The following CSMD1 variants were observed in gnomAD, a reference collection of about 807,000 sequenced individuals.
The protein encoded by CSMD1 is CUB and sushi domain-containing protein 1.
Under a neutral mutation model 417.5 loss-of-function variants are expected in CSMD1, and 213 were observed. The observed-to-expected ratio is 0.51, with a 90% CI of 0.46 to 0.57. The LOEUF (loss-of-function observed/expected upper bound fraction) is 0.57, where lower values mean the gene tolerates loss of function less well. CSMD1 is among the 20% of genes least tolerant of loss of function. The pLI is 0.00. For missense variants in CSMD1, 6,923 were observed against 4,529.7 expected (o/e 1.53, Z -15.17); for synonymous variants, 2,862 against 1,736.8 (o/e 1.65, Z -16.11).
rs766601526 is a variant in CSMD1, at chr8:3,399,454, G to T, written c.2342C>A (p.Ser781Tyr). The change falls in exon 16 of 70, where the codon TCT becomes TAT. Residue 781 changes from serine to tyrosine, a missense_variant. Ser to Tyr is a moderately radical substitution (Grantham distance 144). Coordinates refer to ENST00000635120, the MANE Select transcript of CSMD1 (RefSeq NM_033225.6). Reference protein sequence around the residue: ...PPGWPGYYKDSLHCEWIIEAK... With the variant: ...PPGWPGYYKDYLHCEWIIEAK... ...TTCAATTATCCATTCACAATGTAAAGAATCCTTATAATATCCTGGCCATCC... is the reference window on the plus strand; with the variant it reads ...TTCAATTATCCATTCACAATGTAAATAATCCTTATAATATCCTGGCCATCC... 7 of 1,610,550 alleles carry T rather than the reference G, an allele frequency of 4.3e-6. No individual in the cohort carries two copies. Among genetic ancestry groups the T allele is most frequent in the Non-Finnish European group, 5.9e-6 (7 of 1,178,316 alleles).
intron 3 of CSMD1, among the ~76,000 whole-genome samples, chr8:4,186,925 G>C (rs763392710): frequency 2.6e-5 from 4 of 151,964 alleles, no homozygotes; most frequent in Non-Finnish European, 5.9e-5. Context: ...GAACCCACGA[G>C]GCAGAGATTG....
chr8:4,112,203 C>G (rs951223160), intron 3 of CSMD1, among the ~76,000 whole-genome samples: 1 of 152,122 alleles, frequency 6.6e-6, no homozygotes, highest in African/African-American at 2.4e-5. Context: ...TATCAAGAAC[C>G]AGTAACACCT....
At chr8:4,153,261 C>G (rs1347937289) in intron 3 of CSMD1, among the ~76,000 whole-genome samples, 4 of 152,180 alleles carry the variant, frequency 2.6e-5, no homozygotes, top group African/African-American at 7.2e-5. Flanking sequence ...ATACATACGG[C>G]TATAAAGACA....
intron 5 of CSMD1, among the ~76,000 whole-genome samples, chr8:3,952,482 T>C (rs571995264): frequency 6.6e-6 from 1 of 152,230 alleles, no homozygotes; most frequent in Admixed American, 6.5e-5. Context: ...AGTTTTACTT[T>C]CTAGTACTAA....
chr8:4,107,265 A>C (rs1220022101), intron 3 of CSMD1, among the ~76,000 whole-genome samples: 1 of 152,182 alleles, frequency 6.6e-6, no homozygotes, highest in Non-Finnish European at 1.5e-5. Flanking sequence ...GCTGATTCAA[A>C]GTGCTTGCCA....
intron 51 of CSMD1, among the ~76,000 whole-genome samples, chr8:3,022,126 C>A (rs1809476816): frequency 6.7e-6 from 1 of 149,504 alleles, no homozygotes. Context: ...CACCCGCAAT[C>A]CCACAGCATC....
intron 3 of CSMD1, among the ~76,000 whole-genome samples, chr8:4,413,754 G>T (rs190725351): frequency 6.6e-6 from 1 of 152,114 alleles, no homozygotes; most frequent in Admixed American, 6.6e-5. Context: ...CAAAACCCCT[G>T]CAAATGGAGG....
Position 3,154,417 on chromosome 8 carries a change from T to C in CSMD1, c.5915-2904A>G, listed in dbSNP as rs75670243. Among the ~76,000 whole-genome samples, 849 of 152,316 alleles carry C rather than the reference T, an allele frequency of 5.6e-3. 4 individuals are homozygous for C. The highest frequency in any genetic ancestry group is 0.018 in the South Asian group (88 of 4,826). Reference sequence around the variant, plus strand: ...TGCCAGACCCTTTCTTATAGGTAAATAGCATATTTAGAGTTATTGGTAAAT... The same window carrying C: ...TGCCAGACCCTTTCTTATAGGTAAACAGCATATTTAGAGTTATTGGTAAAT... On this transcript the variant is annotated intron_variant, in intron 39 of 69. Coordinates refer to ENST00000635120, the MANE Select transcript of CSMD1 (RefSeq NM_033225.6).
intron 39 of CSMD1, among the ~76,000 whole-genome samples, chr8:3,151,897 G>A (rs1267065914): frequency 3.3e-5 from 5 of 152,172 alleles, no homozygotes; most frequent in Non-Finnish European, 5.9e-5. Flanking sequence ...GGTACTTACT[G>A]TGCCTAGATA....
chr8:2,975,882 A>G (rs1214231115), intron 55 of CSMD1, among the ~76,000 whole-genome samples: 1 of 152,160 alleles, frequency 6.6e-6, no homozygotes, highest in Non-Finnish European at 1.5e-5. Context: ...GCTAAACCCC[A>G]GCTCCTGGAG....
intron 1 of CSMD1, among the ~76,000 whole-genome samples, chr8:4,674,632 G>C (rs1805558431): frequency 6.6e-6 from 1 of 152,256 alleles, no homozygotes; most frequent in East Asian, 1.9e-4. Context: ...ACAAATAATA[G>C]TGTTTGGTAA....
chr8:4,099,904 G>C (rs1292460250), intron 3 of CSMD1, among the ~76,000 whole-genome samples: 18 of 152,068 alleles, frequency 1.2e-4, no homozygotes, highest in Admixed American at 1.1e-3. Context: ...CAGACATGGA[G>C]ACTTTTCTAA....
intron 4 of CSMD1, among the ~76,000 whole-genome samples, chr8:4,014,921 G>C (rs1484799777): frequency 6.6e-6 from 1 of 152,166 alleles, no homozygotes; most frequent in Admixed American, 6.5e-5. Context: ...TATTTTTTAA[G>C]CCTGTTACAA....
chr8:4,055,328 T>G (rs1210630570), intron 3 of CSMD1, among the ~76,000 whole-genome samples: 2 of 152,160 alleles, frequency 1.3e-5, no homozygotes, highest in African/African-American at 4.8e-5. Flanking sequence ...CTAATAAATT[T>G]TTATAGATTA....
intron 52 of CSMD1, among the ~76,000 whole-genome samples, chr8:3,015,507 T>C (rs964128776): frequency 6.6e-6 from 1 of 152,058 alleles, no homozygotes; most frequent in Non-Finnish European, 1.5e-5. Flanking sequence ...ATATATATTT[T>C]GATTCAGAAT....
At chr8:3,049,215 T>C (rs1261460939) in intron 50 of CSMD1, among the ~76,000 whole-genome samples, 1 of 152,158 alleles carries the variant, frequency 6.6e-6, no homozygotes, top group African/African-American at 2.4e-5. Context: ...ATTCACTCTA[T>C]CAATCTCAAC....
At chr8:4,005,347 C>G (rs1472762788) in intron 4 of CSMD1, among the ~76,000 whole-genome samples, 1 of 152,080 alleles carries the variant, frequency 6.6e-6, no homozygotes, top group Non-Finnish European at 1.5e-5. Context: ...TTGCAGAAAA[C>G]GTAATGCAGG....
chr8:4,144,725 C>A (rs187076118), intron 3 of CSMD1, among the ~76,000 whole-genome samples: 5 of 151,188 alleles, frequency 3.3e-5, no homozygotes, highest in African/African-American at 1.2e-4. Context: ...TCCTCATTGA[C>A]CTCTTCCAAC....
chr8:3,626,361 T>G (rs530535669), intron 7 of CSMD1, among the ~76,000 whole-genome samples: 1 of 152,266 alleles, frequency 6.6e-6, no homozygotes, highest in East Asian at 1.9e-4. Context: ...TTATTCATGG[T>G]CTCCTCACAG....
Sources: gnomAD v4.1 joint callset for allele counts (sites outside exome capture counted in the v4.1 genomes callset) on GRCh38, gnomAD v4.1.1 for gene constraint, MANE v1.5 for transcripts, NCBI Gene and HGNC (gene_info 2026-07-23, HGNC 2026-07-21) for gene names.